Variants in AXIN1 observed in about 807,000 individuals in gnomAD.
AXIN1 encodes axin-1.
A neutral mutation model predicts 76.4 loss-of-function variants in AXIN1; 30 were observed. The ratio of observed to expected loss-of-function variants is 0.39; its 90% CI spans 0.29 to 0.53. AXIN1 has a LOEUF of 0.53. Ranked by LOEUF, AXIN1 falls within the 20% of genes least tolerant of loss-of-function variation. The pLI is 0.66. For missense variants in AXIN1, 1,140 were observed against 1,198.8 expected, an observed-to-expected ratio of 0.95 and a Z score of 0.72; for synonymous variants, 545 against 501.4, an observed-to-expected ratio of 1.09 and a Z score of -1.16.
At chr16:291,384 C>G (rs1305393528) in intron 8 of AXIN1, 87 bp from the exon 9 acceptor site, 1 of 1,179,338 alleles carries the variant, frequency 8.5e-7, no homozygotes, top group Admixed American at 2.0e-5. Context: ...TGCGCAGGGA[C>G]GGACGGAGCG....
chr16:296,293 G>A (rs1192214577), intron 7 of AXIN1, among the ~76,000 whole-genome samples: 2 of 152,276 alleles, frequency 1.3e-5, no homozygotes, highest in Non-Finnish European at 2.9e-5. Context: ...TAATGTGGAG[G>A]GAGATGCGTC....
chr16:294,968 GC>G (rs1233236336), intron 7 of AXIN1, among the ~76,000 whole-genome samples: 1 of 148,968 alleles, frequency 6.7e-6, no homozygotes, highest in African/African-American at 2.5e-5. Context: ...TGAGGCTGAG[GC>G]AGGAGAATGG....
intron 4 of AXIN1, among the ~76,000 whole-genome samples, chr16:307,478 T>C (rs898810310): frequency 6.6e-6 from 1 of 152,226 alleles, no homozygotes; most frequent in Non-Finnish European, 1.5e-5. Context: ...GGGCACGCAT[T>C]CTGGTACCAG....
intron 2 of AXIN1, among the ~76,000 whole-genome samples, chr16:335,987 C>T (rs2053795607): frequency 6.6e-6 from 1 of 152,200 alleles, no homozygotes; most frequent in African/African-American, 2.4e-5. Context: ...ATAATCCTAG[C>T]ACTTTGGGAG....
At chr16:289,385 C>A (rs17135988) in intron 10 of AXIN1, 55 bp downstream of exon 10, 2 of 1,605,094 alleles carry the variant, frequency 1.2e-6, no homozygotes, top group Non-Finnish European at 1.7e-6. Context: ...TTTTTCATAC[C>A]GTTGGGCACC....
chr16:345,453 GC>G (rs2054014952), intron 2 of AXIN1, among the ~76,000 whole-genome samples: 1 of 152,210 alleles, frequency 6.6e-6, no homozygotes, highest in Non-Finnish European at 1.5e-5. Flanking sequence ...GGCGGCTCAC[GC>G]CTGTAATCCC....
At chr16:325,829 C>T (rs1257125699) in intron 2 of AXIN1, among the ~76,000 whole-genome samples, 1 of 152,188 alleles carries the variant, frequency 6.6e-6, no homozygotes, top group African/African-American at 2.4e-5. Flanking sequence ...AGCAGACAGG[C>T]ACTGGGAGAA....
At chr16:295,096 CTT>C (rs888214026) in intron 7 of AXIN1, among the ~76,000 whole-genome samples, 2 of 141,840 alleles carry the variant, frequency 1.4e-5, no homozygotes, top group Non-Finnish European at 1.5e-5. Flanking sequence ...TTCATGGAGA[CTT>C]TTTTTTTTTC....
At chr16:318,925 A>T (rs1233265560) in intron 2 of AXIN1, among the ~76,000 whole-genome samples, 3 of 151,456 alleles carry the variant, frequency 2.0e-5, no homozygotes, top group African/African-American at 7.3e-5. Flanking sequence ...AGTGGCTCTG[A>T]CCCCTGGCTG....
chr16:321,211 G>T (rs747686539), intron 2 of AXIN1, among the ~76,000 whole-genome samples: 1 of 131,474 alleles, frequency 7.6e-6, no homozygotes, highest in Non-Finnish European at 1.6e-5. Context: ...TGCTCTCTGT[G>T]CCTTCCATAC....
intron 7 of AXIN1, among the ~76,000 whole-genome samples, chr16:294,124 G>A (rs1257372524): frequency 6.6e-6 from 1 of 152,094 alleles, no homozygotes. Context: ...TCACGCCACC[G>A]CACTCCAGCC....
chr16:288,337 A>C (rs2141461529), intron 10 of AXIN1, 89 bp from the exon 11 acceptor site: 2 of 1,495,036 alleles, frequency 1.3e-6, no homozygotes, highest in Non-Finnish European at 1.8e-6. Flanking sequence ...TCCACACCCC[A>C]TCCCGAGGAG....
At chr16:302,763 G>T (rs971479669) in intron 5 of AXIN1, among the ~76,000 whole-genome samples, 1 of 152,222 alleles carries the variant, frequency 6.6e-6, no homozygotes, top group African/African-American at 2.4e-5. Flanking sequence ...ACGCTCAGAA[G>T]TGTATACATT....
At chr16:342,801 C>T (rs1413583812) in intron 2 of AXIN1, among the ~76,000 whole-genome samples, 1 of 152,254 alleles carries the variant, frequency 6.6e-6, no homozygotes, top group East Asian at 1.9e-4. Flanking sequence ...CCCACGAAGT[C>T]GCCCACCAGG....
chr16:316,093 T>G (rs1450838434), intron 2 of AXIN1, among the ~76,000 whole-genome samples: 1 of 151,936 alleles, frequency 6.6e-6, no homozygotes, highest in Non-Finnish European at 1.5e-5. Flanking sequence ...TCCAATCTTT[T>G]CCTTTATTTA....
At chr16:295,787 C>A (rs142833721) in intron 7 of AXIN1, among the ~76,000 whole-genome samples, 181 of 151,564 alleles carry the variant, frequency 1.2e-3, no homozygotes, top group Non-Finnish European at 2.1e-3. Flanking sequence ...GCAACCACCC[C>A]CTGCCCCGGT....
intron 2 of AXIN1, among the ~76,000 whole-genome samples, chr16:325,270 C>T (rs2053556593): frequency 6.6e-6 from 1 of 151,762 alleles, no homozygotes; most frequent in Non-Finnish European, 1.5e-5. Flanking sequence ...TTCTAGAATT[C>T]TGTATAAACG....
Position 352,412 on chromosome 16 carries a change from G to C in AXIN1, c.-125C>G. 2.4e-6 allele frequency: 2 copies of C among 831,096 alleles called. No homozygotes were observed. Among genetic ancestry groups the C allele is most frequent in the Non-Finnish European group, 1.3e-6 (1 of 759,878 alleles). The allele number at this position is 831,096 out of a possible 1,614,324, so 51.5% of individuals were successfully genotyped here. A position where few individuals can be genotyped will look rare whatever the true frequency, so the allele number is the denominator to read the frequency against. On this transcript the variant is annotated 5_prime_UTR_variant, in exon 1 of 11. Coordinates refer to ENST00000262320, the MANE Select transcript of AXIN1 (RefSeq NM_003502.4). ...GGACCCCGGGCCCGGCTCCCGGAGCGGCGCGGCGCGGTCCGGGCCCATGCG... is the reference window on the plus strand; with the variant it reads ...GGACCCCGGGCCCGGCTCCCGGAGCCGCGCGGCGCGGTCCGGGCCCATGCG...
chr16:316,400 C>G (rs949270756), intron 2 of AXIN1, among the ~76,000 whole-genome samples: 1 of 152,264 alleles, frequency 6.6e-6, no homozygotes, highest in Non-Finnish European at 1.5e-5. Context: ...TAACTCCTGT[C>G]AAAGGCATGT....
Sources: allele counts gnomAD v4.1 joint callset (sites outside exome capture counted in the v4.1 genomes callset), GRCh38; gene constraint gnomAD v4.1.1; transcripts MANE v1.5; gene names NCBI Gene and HGNC (gene_info 2026-07-23, HGNC 2026-07-21).